Variants in ABCC4 observed in about 807,000 individuals in gnomAD.
ABCC4 encodes ATP-binding cassette sub-family C member 4.
Under a neutral mutation model 168.5 loss-of-function variants are expected in ABCC4, and 102 were observed. That is an observed-to-expected ratio of 0.61 (90% CI 0.52 to 0.71). The LOEUF is 0.71. ABCC4 is among the 30% of genes least tolerant of loss of function. The pLI is 0.00. For missense variants in ABCC4, 1,402 were observed against 1,605.8 expected, an observed-to-expected ratio of 0.87 and a Z score of 2.17; for synonymous variants, 617 against 590.7, an observed-to-expected ratio of 1.04 and a Z score of -0.65.
At chr13:95,101,912 A>G (rs1188385173) in intron 20 of ABCC4, among the ~76,000 whole-genome samples, 1 of 152,222 alleles carries the variant, frequency 6.6e-6, no homozygotes, top group Non-Finnish European at 1.5e-5. Context: ...TTTAAAAAGT[A>G]CCTTTTATTT....
At chr13:95,062,485 A>G (rs1164974014) in intron 26 of ABCC4, among the ~76,000 whole-genome samples, 2 of 29,316 alleles carry the variant, frequency 6.8e-5, no homozygotes, top group Non-Finnish European at 1.5e-4. Context: ...GTTATTAAAT[A>G]TCACACACAC....
At chr13:95,122,336 T>C (rs1016052837) in intron 19 of ABCC4, among the ~76,000 whole-genome samples, 1 of 152,178 alleles carries the variant, frequency 6.6e-6, no homozygotes, top group African/African-American at 2.4e-5. Context: ...TCCTTTGAAA[T>C]TGACCCACAA....
intron 20 of ABCC4, among the ~76,000 whole-genome samples, chr13:95,114,777 A>T (rs896693244): frequency 6.6e-5 from 10 of 152,310 alleles, no homozygotes; most frequent in Admixed American, 5.9e-4. Context: ...TTACATAGCT[A>T]ATTTTCCAAA....
At chr13:95,022,881 A>G (rs1593951736) in intron 30 of ABCC4, among the ~76,000 whole-genome samples, 1 of 152,346 alleles carries the variant, frequency 6.6e-6, no homozygotes, top group African/African-American at 2.4e-5. Context: ...ATATCATTAC[A>G]TATAACACAC....
At chr13:95,130,704 T>G (rs994590033) in intron 19 of ABCC4, among the ~76,000 whole-genome samples, 1 of 152,116 alleles carries the variant, frequency 6.6e-6, no homozygotes, top group East Asian at 1.9e-4. Flanking sequence ...GACTGCATTC[T>G]TCAAGGAAAT....
intron 29 of ABCC4, among the ~76,000 whole-genome samples, chr13:95,035,933 A>C (rs1271808640): frequency 2.0e-5 from 3 of 152,202 alleles, no homozygotes; most frequent in Admixed American, 2.0e-4. Flanking sequence ...AATCGGACAC[A>C]TTTATTAAGC....
At chr13:95,280,737 A>C (rs1208968737) in intron 1 of ABCC4, among the ~76,000 whole-genome samples, 2 of 151,972 alleles carry the variant, frequency 1.3e-5, no homozygotes, top group South Asian at 2.1e-4. Flanking sequence ...CAGGAAAGGA[A>C]TTCCTCCCGA....
At chr13:95,042,531 T>G (rs528178838) in intron 29 of ABCC4, among the ~76,000 whole-genome samples, 1 of 152,106 alleles carries the variant, frequency 6.6e-6, no homozygotes, top group Admixed American at 6.5e-5. Context: ...CAACTGTAAA[T>G]TGCTTTGTAG....
intron 1 of ABCC4, among the ~76,000 whole-genome samples, chr13:95,275,055 C>A (rs1222792654): frequency 2.0e-5 from 3 of 152,104 alleles, no homozygotes; most frequent in Non-Finnish European, 4.4e-5. Context: ...CCAGCCTGGG[C>A]AACAGAGCAA....
chr13:95,299,864 C>T (rs747823969), intron 1 of ABCC4, among the ~76,000 whole-genome samples: 5 of 152,146 alleles, frequency 3.3e-5, no homozygotes, highest in Non-Finnish European at 1.5e-5. Flanking sequence ...TCCCCCAAGA[C>T]GGAGTCTCAC....
chr13:95,124,713 G>A (rs990245280), intron 19 of ABCC4, among the ~76,000 whole-genome samples: 275 of 59,156 alleles, frequency 4.6e-3, no homozygotes, highest in African/African-American at 5.9e-3. Context: ...TACTAAAAAC[G>A]AAAAAAAAAA....
intron 19 of ABCC4, among the ~76,000 whole-genome samples, chr13:95,151,551 G>GAGGAGGAGGAGGAGGAGAAGGAGAAGA (rs1365123571): frequency 6.8e-6 from 1 of 147,616 alleles, no homozygotes; most frequent in African/African-American, 2.6e-5. Flanking sequence ...AAGGAAGGAG[G>GAGGAGGAGGAGGAGGAGAAGGAGAAGA]AGGAGGAGGA....
At chr13:95,119,448 G>C (rs1195794993) in intron 19 of ABCC4, among the ~76,000 whole-genome samples, 1 of 152,166 alleles carries the variant, frequency 6.6e-6, no homozygotes, top group Admixed American at 6.5e-5. Flanking sequence ...GAGAGAGAGA[G>C]AGAAACCAAG....
At chr13:95,224,736 CAA>C (rs57323662) in intron 4 of ABCC4, among the ~76,000 whole-genome samples, 2 of 124,048 alleles carry the variant, frequency 1.6e-5, no homozygotes, top group South Asian at 2.5e-4. Context: ...GACTCTGTCT[CAA>C]AAAAAAAAAG....
chr13:95,095,373 A>C (rs1442425175), intron 20 of ABCC4, among the ~76,000 whole-genome samples: 2 of 152,162 alleles, frequency 1.3e-5, no homozygotes, highest in Non-Finnish European at 2.9e-5. Flanking sequence ...AAAGGAATGA[A>C]CTGACAGCAT....
At position 95,062,744 on chromosome 13, in the gene ABCC4, C is replaced by A; in HGVS notation, c.3326G>T (p.Gly1109Val). ...CATCTTCTTCCTTAAATCGTGAAGT[C>A]CAATTTCAGTTGTCAAGATCTTATC... ...WIDKILTTEI[G>V]LHDLRKKMSI... Residue 1109 changes from glycine to valine, a missense_variant, in exon 26 of 31, where the codon GGA becomes GTA. Gly to Val is a moderately radical substitution (Grantham distance 109). This residue lies in a region of ABCC4 where 1,007 missense variants were observed against 1,127.3 expected (regional missense o/e 0.89). Coordinates refer to ENST00000645237, the MANE Select transcript of ABCC4 (RefSeq NM_005845.5). 1.2e-6 allele frequency: 2 copies of A among 1,613,864 alleles called. No individual in the cohort carries two copies. Among genetic ancestry groups the A allele is most frequent in the East Asian group, 2.2e-5 (1 of 44,866 alleles).
At chr13:95,032,954 T>G (rs2031947973) in intron 30 of ABCC4, among the ~76,000 whole-genome samples, 1 of 144,586 alleles carries the variant, frequency 6.9e-6, no homozygotes. Context: ...GTGTGAGCCA[T>G]CACGCCTGGT....
chr13:95,048,771 C>T (rs2032701172), intron 27 of ABCC4, among the ~76,000 whole-genome samples: 1 of 152,308 alleles, frequency 6.6e-6, no homozygotes, highest in African/African-American at 2.4e-5. Flanking sequence ...ATGATATAAC[C>T]TAGTCTTAAT....
intron 19 of ABCC4, among the ~76,000 whole-genome samples, chr13:95,136,374 CAA>C (rs751857753): frequency 6.6e-6 from 1 of 152,090 alleles, no homozygotes; most frequent in Non-Finnish European, 1.5e-5. Context: ...AGGCTGGTCT[CAA>C]ACTCCTGACC....
Sources: allele counts gnomAD v4.1 joint callset (sites outside exome capture counted in the v4.1 genomes callset), GRCh38; gene constraint gnomAD v4.1.1; regional missense constraint gnomAD v4.1.1; transcripts MANE v1.5; gene names NCBI Gene and HGNC (gene_info 2026-07-23, HGNC 2026-07-21).